SNTG1: variants seen among roughly 807,000 people sequenced by gnomAD.
The protein encoded by SNTG1 is gamma-1-syntrophin.
In SNTG1, 39 loss-of-function variants were observed where a neutral mutation model predicts 74.7. That is an observed-to-expected ratio of 0.52 (90% CI 0.40 to 0.68). The LOEUF is 0.68. Among genes scored for constraint, SNTG1 ranks in the 30% least tolerant of loss-of-function variants. The probability of loss-of-function intolerance (pLI) is 0.00; values close to 1 mark genes in which losing one functional copy is unlikely to be tolerated. For missense variants in SNTG1, 685 were observed against 609.5 expected (o/e 1.12, Z -1.30); for synonymous variants, 254 against 217.1 (o/e 1.17, Z -1.49).
intron 5 of SNTG1, among the ~76,000 whole-genome samples, chr8:50,441,843 G>A (rs1034090948): frequency 1.3e-5 from 2 of 152,108 alleles, no homozygotes; most frequent in Non-Finnish European, 2.9e-5. Flanking sequence ...TTGAGATTTA[G>A]GGTAGGAATT....
intron 2 of SNTG1, among the ~76,000 whole-genome samples, chr8:50,327,649 CATT>C (rs2090803085): frequency 6.6e-6 from 1 of 152,082 alleles, no homozygotes; most frequent in African/African-American, 2.4e-5. Context: ...AGACCATTGA[CATT>C]ATACTGGTTA....
At chr8:50,291,751 G>T (rs1242826472) in intron 2 of SNTG1, among the ~76,000 whole-genome samples, 4 of 152,200 alleles carry the variant, frequency 2.6e-5, no homozygotes, top group Non-Finnish European at 5.9e-5. Flanking sequence ...AATTGGAGGG[G>T]TGACATAGCA....
At chr8:50,202,411 T>A (rs2084021398) in intron 2 of SNTG1, among the ~76,000 whole-genome samples, 1 of 152,100 alleles carries the variant, frequency 6.6e-6, no homozygotes, top group Non-Finnish European at 1.5e-5. Context: ...TCTTTATATC[T>A]TTGCTTTTCC....
chr8:50,496,504 A>G (rs572846879), intron 8 of SNTG1, among the ~76,000 whole-genome samples: 1 of 152,284 alleles, frequency 6.6e-6, no homozygotes, highest in South Asian at 2.1e-4. Flanking sequence ...ATTCCTCCTT[A>G]GAATCTCATA....
At chr8:50,694,972 A>C (rs2095398494) in intron 15 of SNTG1, among the ~76,000 whole-genome samples, 1 of 151,998 alleles carries the variant, frequency 6.6e-6, no homozygotes, top group Admixed American at 6.6e-5. Context: ...GCCAAAAGTC[A>C]ACATTATTCT....
chr8:50,174,206 A>T (rs183067260), intron 2 of SNTG1, among the ~76,000 whole-genome samples: 2 of 152,346 alleles, frequency 1.3e-5, no homozygotes, highest in Admixed American at 6.5e-5. Context: ...CATGATGTAC[A>T]TGTACCACAT....
rs140755188 is a variant in SNTG1, at chr8:50,640,940, C to T, written c.850-15969C>T. ...CCTAATCCATCATCTTTCATTTTAGCGCATTCATCTTATGTCACTTATCCA... is the reference window on the plus strand; with the variant it reads ...CCTAATCCATCATCTTTCATTTTAGTGCATTCATCTTATGTCACTTATCCA... On this transcript the variant is annotated intron_variant, in intron 13 of 18. Transcript: ENST00000642720. 4.7e-3 allele frequency among the ~76,000 whole-genome samples: 708 copies of T among 152,248 alleles called. 6 individuals carry two copies. Among genetic ancestry groups the T allele is most frequent in the African/African-American group, 0.013 (531 of 41,556 alleles).
intron 1 of SNTG1, among the ~76,000 whole-genome samples, chr8:50,108,007 G>T (rs138902774): frequency 3.3e-5 from 5 of 152,256 alleles, no homozygotes; most frequent in Non-Finnish European, 7.4e-5. Context: ...TATTTTGAAT[G>T]ATGAGTCAGT....
intron 1 of SNTG1, among the ~76,000 whole-genome samples, chr8:50,005,447 A>G (rs1209208388): frequency 4.1e-5 from 6 of 148,014 alleles, no homozygotes; most frequent in Non-Finnish European, 9.0e-5. Flanking sequence ...TTTCAATACA[A>G]TGACATAGTC....
At chr8:50,224,228 A>T (rs1024593346) in intron 2 of SNTG1, among the ~76,000 whole-genome samples, 1 of 152,216 alleles carries the variant, frequency 6.6e-6, no homozygotes, top group Non-Finnish European at 1.5e-5. Flanking sequence ...TGCTAAAGAT[A>T]TAAATTCTGC....
intron 2 of SNTG1, among the ~76,000 whole-genome samples, chr8:50,176,630 A>G (rs2083009385): frequency 1.3e-5 from 2 of 152,312 alleles, no homozygotes; most frequent in South Asian, 2.1e-4. Flanking sequence ...TTATGTTTCC[A>G]GGAAAGTTAT....
chr8:50,049,590 A>C (rs1243076152), intron 1 of SNTG1, among the ~76,000 whole-genome samples: 1 of 152,130 alleles, frequency 6.6e-6, no homozygotes, highest in Non-Finnish European at 1.5e-5. Context: ...TAGATCCAGC[A>C]GGTAGAAAAT....
At position 50,599,671 on chromosome 8, in the gene SNTG1, T is replaced by C. The variant is rs114063712; in HGVS notation, c.849+8754T>C. Among the ~76,000 whole-genome samples, 1,059 of 152,248 alleles carry C rather than the reference T, an allele frequency of 7.0e-3. 17 individuals are homozygous for C. The highest frequency in any genetic ancestry group is 0.024 in the African/African-American group (1,011 of 41,560). The stretch of plus-strand genomic sequence containing the variant: ...CATTTAGAAATCCCACTGATTTTTG[T>C]ATGTTGATTTTAAATCCTACAGCCT... On this transcript the variant is annotated intron_variant, in intron 13 of 18. Coordinates refer to ENST00000642720, the MANE Select transcript of SNTG1 (RefSeq NM_018967.5).
At chr8:50,137,066 G>C (rs1397518655) in intron 1 of SNTG1, among the ~76,000 whole-genome samples, 1 of 152,136 alleles carries the variant, frequency 6.6e-6, no homozygotes, top group Non-Finnish European at 1.5e-5. Flanking sequence ...ACCTGCTTCA[G>C]AATGACTTCA....
At chr8:50,436,931 T>C (rs916627673) in intron 4 of SNTG1, among the ~76,000 whole-genome samples, 1 of 152,154 alleles carries the variant, frequency 6.6e-6, no homozygotes, top group Non-Finnish European at 1.5e-5. Flanking sequence ...CCCGTATTTG[T>C]GGTTGCATTC....
intron 12 of SNTG1, among the ~76,000 whole-genome samples, chr8:50,588,877 A>G (rs1414504408): frequency 6.6e-6 from 1 of 152,056 alleles, no homozygotes; most frequent in Admixed American, 6.6e-5. Context: ...TACAAAGACA[A>G]TCTACACATA....
At chr8:50,501,866 C>T (rs1370617106) in intron 8 of SNTG1, among the ~76,000 whole-genome samples, 1 of 152,034 alleles carries the variant, frequency 6.6e-6, no homozygotes, top group African/African-American at 2.4e-5. Flanking sequence ...GATATATTTC[C>T]ATGTTTATTA....
At chr8:50,329,337 T>C (rs1430138376) in intron 2 of SNTG1, among the ~76,000 whole-genome samples, 1 of 152,148 alleles carries the variant, frequency 6.6e-6, no homozygotes, top group Admixed American at 6.5e-5. Flanking sequence ...CACATTTTTC[T>C]TCTGTATTGC....
intron 9 of SNTG1, among the ~76,000 whole-genome samples, chr8:50,524,762 AT>A (rs2094206792): frequency 6.6e-6 from 1 of 152,160 alleles, no homozygotes; most frequent in Non-Finnish European, 1.5e-5. Context: ...TGCATAGGCT[AT>A]ATGCAAATAC....
Sources: gnomAD v4.1 joint callset for allele counts (sites outside exome capture counted in the v4.1 genomes callset) on GRCh38, gnomAD v4.1.1 for gene constraint, MANE v1.5 for transcripts, NCBI Gene and HGNC (gene_info 2026-07-23, HGNC 2026-07-21) for gene names.